The following HLA-G variants were observed in gnomAD, a reference collection of about 807,000 sequenced individuals.
HLA-G encodes major histocompatibility complex, class I, G, also known as HLA class I histocompatibility antigen, alpha chain G.
A neutral mutation model predicts 39.3 loss-of-function variants in HLA-G; 34 were observed. The observed-to-expected ratio is 0.86, with a 90% CI of 0.66 to 1.15. The LOEUF is 1.15. Ranked by LOEUF, HLA-G falls within the 50% of genes most tolerant of loss-of-function variation. The pLI is 0.00. For synonymous variants in HLA-G, 183 were observed against 185.8 expected, an observed-to-expected ratio of 0.99 and a Z score of 0.12; for missense variants, 419 against 456.4, an observed-to-expected ratio of 0.92 and a Z score of 0.75.
chr6:29,828,454 C>A, intron 2 of HLA-G, 89 bp from the exon 3 acceptor site: 2 of 1,520,762 alleles, frequency 1.3e-6, no homozygotes, highest in East Asian at 2.4e-5. Flanking sequence ...CCTGGGAGAA[C>A]CCCAAGGCGC....
chr6:29,826,889 T>C (rs894589770), upstream of HLA-G: 18 of 444,356 alleles, frequency 4.1e-5, no homozygotes, highest in African/African-American at 3.4e-4. Flanking sequence ...GCGTGAGCAC[T>C]AGTGAGGGGC....
rs776391546 is a variant in HLA-G, at chr6:29,828,628, T to C, written c.429T>C (p.Asp143=). The C allele has an allele frequency of 3.7e-6, 6 of 1,612,912 alleles. No individual in the cohort carries two copies. The highest frequency in any genetic ancestry group is 4.2e-6 in the Non-Finnish European group (5 of 1,179,978). ...LLRGYEQYAY[D]GKDYLALNED... ...GCGGGTATGAACAGTATGCCTACGA[T>C]GGCAAGGATTACCTCGCCCTGAACG... Residue 143 remains aspartate, a synonymous_variant, in exon 3 of 7, where the codon GAT becomes GAC. Coordinates refer to ENST00000360323, the MANE Select transcript of HLA-G (RefSeq NM_001384290.1).
chr6:29,830,804 G>GATTTGTTCA lies in HLA-G; in HGVS notation c.*65_*66insATTTGTTCA. On this transcript the variant is annotated 3_prime_UTR_variant, in exon 7 of 7. Transcript: ENST00000360323. ...TGCCCTGTGTGGGACTGAGTGGCAA[G>GATTTGTTCA]TCCCTTTGTGACTTCAAGAACCCTG... The GATTTGTTCA allele has an allele frequency of 3.3e-4, 149 of 450,654 alleles. 2 individuals are homozygous for GATTTGTTCA. Among genetic ancestry groups the GATTTGTTCA allele is most frequent in the Admixed American group, 6.8e-4 (26 of 38,390 alleles). The allele number at this position is 450,654 out of a possible 1,614,324, so 27.9% of individuals were successfully genotyped here.
chr6:29,827,460 A>T, upstream of HLA-G: 1 of 356,412 alleles, frequency 2.8e-6, no homozygotes, highest in Non-Finnish European at 5.5e-6. Context: ...CCGGGATGAA[A>T]AGTGAAGGGA....
Position 29,828,291 on chromosome 6 carries a change from C to T in HLA-G, c.318C>T (p.Arg106=). ...QTDRMNLQTL[R]GYYNQSEASS... is the part of the protein sequence containing the mutation. ...ACAGAATGAACCTGCAGACCCTGCG[C>T]GGCTACTACAACCAGAGCGAGGCCA... Residue 106 remains arginine (R), a synonymous_variant, in exon 2 of 7, where the codon CGC becomes CGT. Transcript: ENST00000360323. 6.2e-7 allele frequency: 1 copy of T among 1,613,272 alleles called. No homozygotes were observed. Among genetic ancestry groups the T allele is most frequent in the Non-Finnish European group, 8.5e-7 (1 of 1,179,636 alleles).
chr6:29,827,048 A>G (rs1760735671), upstream of HLA-G: 2 of 523,112 alleles, frequency 3.8e-6, no homozygotes, highest in South Asian at 2.9e-5. Context: ...AATGAAGGTA[A>G]ATTTAAAATA....
At position 29,829,829 on chromosome 6, in the gene HLA-G, G is replaced by A; in HGVS notation, c.909G>A (p.Leu303=). ...CTCCTTTCCCAGAGCAGTCTTCCCT[G>A]CCCACCATCCCCATCATGGGTATCG... ...PLMLRWKQSS[L]PTIPIMGIVA... Residue 303 remains leucine, a synonymous_variant, in exon 5 of 7, where the codon CTG becomes CTA. Coordinates refer to ENST00000360323, the MANE Select transcript of HLA-G (RefSeq NM_001384290.1). The A allele has an allele frequency of 6.2e-7, 1 of 1,613,536 alleles. No homozygotes were observed. The highest frequency in any genetic ancestry group is 8.5e-7 in the Non-Finnish European group (1 of 1,179,664).
chr6:29,827,568 A>G, upstream of HLA-G: 1 of 466,228 alleles, frequency 2.1e-6, no homozygotes, highest in Non-Finnish European at 3.9e-6. Flanking sequence ...TTGGCACAAG[A>G]GTAGCGGGGT....
At chr6:29,829,341 G>A in intron 3 of HLA-G, 77 bp from the exon 4 acceptor site, 2 of 1,496,280 alleles carry the variant, frequency 1.3e-6, no homozygotes, top group South Asian at 1.2e-5. Flanking sequence ...TCATTCTTAG[G>A]ATGGTCACAT....
chr6:29,827,720 C>T (rs1024923403), upstream of HLA-G: 5 of 934,056 alleles, frequency 5.4e-6, no homozygotes, highest in South Asian at 1.4e-5. Context: ...GGATACTCAC[C>T]GGGCGGCCCC....
chr6:29,828,653 G>T lies in HLA-G; in HGVS notation c.454G>T (p.Glu152Ter), dbSNP rs767147746. ...YDGKDYLALN[E>*]DLRSWTAADT... ...TGGCAAGGATTACCTCGCCCTGAAC[G>T]AGGACCTGCGCTCCTGGACCGCAGC... The change falls in exon 3 of 7, where the codon GAG becomes TAG. Residue 152 changes from glutamate to a stop codon, truncating the protein, a stop_gained. Coordinates refer to ENST00000360323, the MANE Select transcript of HLA-G (RefSeq NM_001384290.1). LOFTEE classifies it high-confidence loss of function. 1.9e-6 allele frequency: 3 copies of T among 1,613,020 alleles called. No homozygotes were observed. The highest frequency in any genetic ancestry group is 2.5e-6 in the Non-Finnish European group (3 of 1,180,032).
upstream of HLA-G, among the ~76,000 whole-genome samples, chr6:29,826,479 A>C (rs1400616532): frequency 6.6e-6 from 1 of 152,154 alleles, no homozygotes; most frequent in Non-Finnish European, 1.5e-5. Flanking sequence ...GACTCATAGT[A>C]GCAGGACCAC....
At chr6:29,826,832 A>G (rs1297774697), upstream of HLA-G, 4 of 333,542 alleles carry the variant, frequency 1.2e-5, no homozygotes, top group South Asian at 2.6e-5. Context: ...TATTCCTAAA[A>G]AATATACACT....
intron 2 of HLA-G, 85 bp from the exon 3 acceptor site, chr6:29,828,458 A>G: frequency 2.3e-6 from 1 of 431,068 alleles, no homozygotes; most frequent in East Asian, 1.8e-4. Flanking sequence ...GGAGAACCCC[A>G]AGGCGCCTTT....
rs1399267444 is a variant in HLA-G, at chr6:29,829,537, G to T, written c.739G>T (p.Asp247Tyr). The T allele has an allele frequency of 2.4e-5, 38 of 1,613,988 alleles. No individual in the cohort carries two copies. The highest frequency in any genetic ancestry group is 3.2e-5 in the Non-Finnish European group (38 of 1,179,914). Reference protein sequence around the residue: ...IILTWQRDGEDQTQDVELVET... With the variant: ...IILTWQRDGEYQTQDVELVET... The stretch of plus-strand genomic sequence containing the variant: ...ACTGACCTGGCAGCGGGATGGGGAG[G>T]ACCAGACCCAGGACGTGGAGCTCGT... Residue 247 changes from aspartate (D) to tyrosine (Y), a missense_variant, in exon 4 of 7, where the codon GAC (aspartate) becomes TAC (tyrosine). This residue lies in a region of HLA-G where 328 missense variants were observed against 323.0 expected (regional missense o/e 1.02). Coordinates refer to ENST00000360323, the MANE Select transcript of HLA-G (RefSeq NM_001384290.1).
chr6:29,829,438 A>T lies in HLA-G; in HGVS notation c.640A>T (p.Thr214Ser), dbSNP rs748519460. 6.2e-7 allele frequency: 1 copy of T among 1,613,616 alleles called. No homozygotes were observed. The highest frequency in any genetic ancestry group is 1.1e-5 in the South Asian group (1 of 91,046). Reference sequence around the variant, plus strand: ...TTCAGACCCCCCCAAGACACACGTGACCCACCACCCTGTCTTTGACTATGA... The same window carrying T: ...TTCAGACCCCCCCAAGACACACGTGTCCCACCACCCTGTCTTTGACTATGA... ...QRADPPKTHV[T>S]HHPVFDYEAT... The change falls in exon 4 of 7, where the codon ACC becomes TCC. Residue 214 changes from threonine to serine, a missense_variant. Around this residue, in one of 2 missense-constraint regions of HLA-G, gnomAD observed 328 missense variants for 323.0 expected, o/e 1.02. Coordinates refer to ENST00000360323, the MANE Select transcript of HLA-G (RefSeq NM_001384290.1).
Position 29,830,616 on chromosome 6 carries a change from G to T in HLA-G, c.*29-152G>T, listed in dbSNP as rs992241092. The stretch of plus-strand genomic sequence containing the variant: ...GCTTGTAAATGTGACACCCCGGGGG[G>T]CCTGATGTGTGTGGGTTGTTGAGGG... On this transcript the variant is annotated intron_variant, in intron 6 of 6. Transcript: ENST00000360323. 4.1e-6 allele frequency: 3 copies of T among 731,472 alleles called. No individual in the cohort carries two copies. In the African/African-American group the frequency reaches 5.2e-5, roughly 13 times the overall value. The allele number at this position is 731,472 out of a possible 1,614,324, so 45.3% of individuals were successfully genotyped here.
At chr6:29,830,262 G>A (rs1632932) in intron 5 of HLA-G, 116 bp from the exon 6 acceptor site, 515,253 of 1,128,084 alleles carry the variant, frequency 0.46, 123,042 homozygotes, top group South Asian at 0.66. Context: ...TCCCGCCCTG[G>A]GTCTGCAGTC....
intron 2 of HLA-G, 64 bp downstream of exon 2, chr6:29,828,380 G>C: frequency 1.9e-6 from 3 of 1,562,354 alleles, no homozygotes; most frequent in South Asian, 2.4e-5. Context: ...GGACGGCCCG[G>C]GTACTCCCGA....
Sources: gnomAD v4.1 joint callset for allele counts (sites outside exome capture counted in the v4.1 genomes callset) on GRCh38, gnomAD v4.1.1 for gene constraint, gnomAD v4.1.1 regional missense constraint, MANE v1.5 for transcripts, NCBI Gene and HGNC (gene_info 2026-07-23, HGNC 2026-07-21) for gene names.